CYRIA: variants seen among roughly 807,000 people sequenced by gnomAD.
CYRIA encodes CYFIP-related Rac1 interactor A.
In CYRIA, 15 loss-of-function variants were observed where a neutral mutation model predicts 43.9. The ratio of observed to expected loss-of-function variants is 0.34; its 90% CI spans 0.23 to 0.53. The LOEUF (loss-of-function observed/expected upper bound fraction) is 0.53. Ranked by LOEUF, CYRIA falls within the 20% of genes least tolerant of loss-of-function variation. The pLI, the probability that CYRIA is intolerant of heterozygous loss-of-function variation, is 0.94. For missense variants in CYRIA, 236 were observed against 394.2 expected, an observed-to-expected ratio of 0.60 and a Z score of 3.40; for synonymous variants, 117 against 136.0, an observed-to-expected ratio of 0.86 and a Z score of 0.97.
At chr2:16,646,954 T>C (rs1669838270) in intron 1 of CYRIA, among the ~76,000 whole-genome samples, 1 of 152,218 alleles carries the variant, frequency 6.6e-6, no homozygotes, top group African/African-American at 2.4e-5. Context: ...TGACTTAGGC[T>C]GGAACTATAT....
chr2:16,578,553 A>G (rs1406986751), intron 3 of CYRIA, among the ~76,000 whole-genome samples: 1 of 152,218 alleles, frequency 6.6e-6, no homozygotes, highest in Admixed American at 6.5e-5. Context: ...ACTATTTATT[A>G]GGTTGGTGCA....
At chr2:16,585,198 T>C (rs912851846) in intron 3 of CYRIA, among the ~76,000 whole-genome samples, 1 of 152,156 alleles carries the variant, frequency 6.6e-6, no homozygotes, top group African/African-American at 2.4e-5. Flanking sequence ...TTGAAAATCA[T>C]CTTTAGGAAA....
At chr2:16,565,226 A>G (rs2103417802) in intron 4 of CYRIA, among the ~76,000 whole-genome samples, 1 of 145,020 alleles carries the variant, frequency 6.9e-6, no homozygotes, top group East Asian at 2.0e-4. Context: ...CCCAGGCTGG[A>G]GTGCAATGGT....
chr2:16,599,844 C>T (rs1432349769), intron 2 of CYRIA, among the ~76,000 whole-genome samples: 1 of 152,182 alleles, frequency 6.6e-6, no homozygotes, highest in African/African-American at 2.4e-5. Flanking sequence ...GCAACCTCTG[C>T]CTCCCGTGTT....
Position 16,562,105 on chromosome 2 carries a change from C to G in CYRIA, c.335G>C (p.Cys112Ser). The change falls in exon 6 of 12, where the codon TGT becomes TCT. Residue 112 changes from cysteine (C) to serine (S), a missense_variant. Around this residue, in one of 3 missense-constraint regions of CYRIA, gnomAD observed 193 missense variants for 303.9 expected, o/e 0.64. Coordinates refer to ENST00000381323, the MANE Select transcript of CYRIA (RefSeq NM_030797.4). Reference protein sequence around the residue: ...ALQSLLESLTCPPYTPTQHLE... With the variant: ...ALQSLLESLTSPPYTPTQHLE... ...GTGTTGGGTTGGTGTGTAGGGTGGACAAGTCAGAGATTCCAATAAACTCTG... is the reference window on the plus strand; with the variant it reads ...GTGTTGGGTTGGTGTGTAGGGTGGAGAAGTCAGAGATTCCAATAAACTCTG... 1.2e-6 allele frequency: 2 copies of G among 1,612,644 alleles called. No homozygotes were observed. The highest frequency in any genetic ancestry group is 1.7e-6 in the Non-Finnish European group (2 of 1,179,168).
Position 16,555,104 on chromosome 2 carries a change from G to A in CYRIA, c.873C>T (p.Ala291=). 1.2e-6 allele frequency: 2 copies of A among 1,613,154 alleles called. No homozygotes were observed. Among genetic ancestry groups the A allele is most frequent in the Non-Finnish European group, 1.7e-6 (2 of 1,179,618 alleles). ...KGCIKVLKEQ[A]PDSVEGLLNA... is the part of the protein sequence containing the mutation. ...TTAGCAGCCCCTCCACACTGTCTGG[G>A]GCCTGCTCCTTCAAAACTTTTATGC... The change falls in exon 11 of 12, where the codon GCC becomes GCT. Residue 291 remains alanine, a synonymous_variant. Transcript: ENST00000381323.
intron 3 of CYRIA, among the ~76,000 whole-genome samples, chr2:16,569,656 T>C (rs1667061869): frequency 6.6e-6 from 1 of 152,236 alleles, no homozygotes; most frequent in South Asian, 2.1e-4. Flanking sequence ...CTCTAGTCTG[T>C]CTGTCTGTCT....
intron 1 of CYRIA, among the ~76,000 whole-genome samples, chr2:16,644,969 T>C (rs969549472): frequency 1.3e-5 from 2 of 152,150 alleles, no homozygotes; most frequent in African/African-American, 4.8e-5. Context: ...ACCATTAAAA[T>C]GAAAAAGTAT....
chr2:16,621,830 A>AT (rs1368333469), intron 2 of CYRIA, among the ~76,000 whole-genome samples: 1 of 151,836 alleles, frequency 6.6e-6, no homozygotes, highest in East Asian at 1.9e-4. Flanking sequence ...TTTCTGCTTT[A>AT]TTTTTTTCAT....
intron 2 of CYRIA, among the ~76,000 whole-genome samples, chr2:16,589,646 A>G (rs1415310534): frequency 6.6e-6 from 1 of 152,094 alleles, no homozygotes; most frequent in Non-Finnish European, 1.5e-5. Context: ...AATCAGATAA[A>G]AGTATAAAAT....
intron 10 of CYRIA, among the ~76,000 whole-genome samples, chr2:16,557,789 A>G (rs1436505436): frequency 5.3e-5 from 8 of 152,156 alleles, no homozygotes; most frequent in Non-Finnish European, 1.0e-4. Flanking sequence ...TACAAGGCAT[A>G]ATTTTACCCA....
At chr2:16,556,294 C>A (rs185216509) in intron 10 of CYRIA, among the ~76,000 whole-genome samples, 1 of 152,034 alleles carries the variant, frequency 6.6e-6, no homozygotes, top group African/African-American at 2.4e-5. Context: ...TCATGGCAAA[C>A]GAGAGGTGTC....
chr2:16,591,008 A>G (rs1667912361), intron 2 of CYRIA, among the ~76,000 whole-genome samples: 1 of 152,062 alleles, frequency 6.6e-6, no homozygotes, highest in African/African-American at 2.4e-5. Context: ...CCAGAGTTTC[A>G]CTTGGAAAGG....
At chr2:16,659,382 A>G (rs543691803) in intron 1 of CYRIA, among the ~76,000 whole-genome samples, 3 of 152,348 alleles carry the variant, frequency 2.0e-5, no homozygotes, top group African/African-American at 7.2e-5. Flanking sequence ...TCGCCCATCC[A>G]TAAAATGGGG....
intron 1 of CYRIA, among the ~76,000 whole-genome samples, chr2:16,626,603 G>A (rs1019975906): frequency 2.6e-5 from 4 of 152,168 alleles, no homozygotes; most frequent in Admixed American, 6.5e-5. Flanking sequence ...TGTTTGAGAG[G>A]ACTCCAAGCC....
rs1288183346 is a variant in CYRIA, at chr2:16,650,044, C to T, written c.-167+15736G>A. Among the ~76,000 whole-genome samples, 1 of 152,170 alleles carries T rather than the reference C, an allele frequency of 6.6e-6. No individual in the cohort carries two copies. The highest frequency in any genetic ancestry group is 2.4e-5 in the African/African-American group (1 of 41,432). ...GACACATTCCAAGAAGCACACACCCCCTCAGCCCAGGTTCCAGAATGAGAA... is the reference window on the plus strand; with the variant it reads ...GACACATTCCAAGAAGCACACACCCTCTCAGCCCAGGTTCCAGAATGAGAA... On this transcript the variant is annotated intron_variant, in intron 1 of 11. Transcript: ENST00000381323. This position sits in a 1 kb window ranked among gnomAD's most constrained non-coding sequence, Gnocchi z 4.1.
At chr2:16,639,872 G>A (rs1458482916) in intron 1 of CYRIA, among the ~76,000 whole-genome samples, 2 of 152,304 alleles carry the variant, frequency 1.3e-5, no homozygotes, top group South Asian at 2.1e-4. Context: ...AATTACTTTC[G>A]AATGGCTCTG....
At chr2:16,571,231 T>C (rs1393121649) in intron 3 of CYRIA, among the ~76,000 whole-genome samples, 1 of 152,238 alleles carries the variant, frequency 6.6e-6, no homozygotes, top group Non-Finnish European at 1.5e-5. Flanking sequence ...ATTAGTTTTG[T>C]TTGCAGGGGC....
chr2:16,597,633 G>A (rs1192081491), intron 2 of CYRIA, among the ~76,000 whole-genome samples: 78 of 1,250 alleles, frequency 0.062, no homozygotes, highest in Non-Finnish European at 0.074. Flanking sequence ...GTCTCTGCAC[G>A]TGAGATGGGT....
Sources: allele counts gnomAD v4.1 joint callset (sites outside exome capture counted in the v4.1 genomes callset), GRCh38; gene constraint gnomAD v4.1.1; regional missense constraint gnomAD v4.1.1; non-coding constraint Gnocchi (gnomAD v3.1); transcripts MANE v1.5; gene names NCBI Gene and HGNC (gene_info 2026-07-23, HGNC 2026-07-21).